PINX1: variants seen among roughly 807,000 people sequenced by gnomAD.
PINX1 encodes the protein PIN2 (TERF1) interacting telomerase inhibitor 1.
In PINX1, 34 loss-of-function variants were observed where a neutral mutation model predicts 25.4. The ratio of observed to expected loss-of-function variants is 1.34; its 90% CI spans 1.02 to 1.78. PINX1 has a LOEUF of 1.78. Among genes scored for constraint, PINX1 ranks in the 40% most tolerant of loss-of-function variants. The pLI is 0.00. For synonymous variants in PINX1, 197 were observed against 147.7 expected (o/e 1.33, Z -2.42); for missense variants, 592 against 404.9 (o/e 1.46, Z -3.97).
At chr8:10,829,367 T>G (rs1283077892) in intron 4 of PINX1, among the ~76,000 whole-genome samples, 1 of 152,122 alleles carries the variant, frequency 6.6e-6, no homozygotes, top group Non-Finnish European at 1.5e-5. Flanking sequence ...GTAAATTTTC[T>G]GGCCTTAATC....
At chr8:10,773,467 C>G (rs1801293372) in intron 6 of PINX1, among the ~76,000 whole-genome samples, 1 of 152,164 alleles carries the variant, frequency 6.6e-6, no homozygotes, top group Admixed American at 6.5e-5. Context: ...TGCAGAGATA[C>G]CTTTCTAATA....
intron 6 of PINX1, among the ~76,000 whole-genome samples, chr8:10,797,471 G>C (rs923021499): frequency 6.6e-6 from 1 of 152,112 alleles, no homozygotes; most frequent in Non-Finnish European, 1.5e-5. Flanking sequence ...CATGGTTATA[G>C]GAGACAATAT....
At chr8:10,808,962 T>C (rs967267881) in intron 6 of PINX1, among the ~76,000 whole-genome samples, 3 of 152,254 alleles carry the variant, frequency 2.0e-5, no homozygotes, top group Non-Finnish European at 4.4e-5. Flanking sequence ...TTCCTTGATA[T>C]ATGAATTTGT....
chr8:10,785,964 C>T (rs961217651), intron 6 of PINX1, among the ~76,000 whole-genome samples: 2 of 152,132 alleles, frequency 1.3e-5, no homozygotes, highest in Non-Finnish European at 2.9e-5. Flanking sequence ...TTCTGGACTG[C>T]GTATATCACT....
chr8:10,825,190 A>G (rs148767205), intron 5 of PINX1, among the ~76,000 whole-genome samples: 86 of 152,344 alleles, frequency 5.6e-4, no homozygotes, highest in African/African-American at 2.1e-3. Context: ...AATACTTCAG[A>G]GTAGTGGGGA....
chr8:10,835,253 C>T (rs1041975147), intron 1 of PINX1, among the ~76,000 whole-genome samples: 2 of 152,216 alleles, frequency 1.3e-5, no homozygotes, highest in South Asian at 4.1e-4. Flanking sequence ...GCTCCAAACG[C>T]TGTACATAAT....
chr8:10,766,036 G>A (rs1481537047), intron 6 of PINX1, 120 bp from the exon 7 acceptor site: 8 of 900,630 alleles, frequency 8.9e-6, no homozygotes, highest in Non-Finnish European at 1.4e-5. Flanking sequence ...CTCACACCCG[G>A]CACCCACACC....
chr8:10,836,442 T>C (rs1003080458), intron 1 of PINX1, among the ~76,000 whole-genome samples: 1 of 152,110 alleles, frequency 6.6e-6, no homozygotes, highest in Admixed American at 6.5e-5. Context: ...TGTGTCAGAG[T>C]TCATGTGTCT....
intron 6 of PINX1, among the ~76,000 whole-genome samples, chr8:10,786,629 G>A (rs1005496184): frequency 6.6e-6 from 1 of 152,190 alleles, no homozygotes; most frequent in African/African-American, 2.4e-5. Context: ...GGGGCACAAA[G>A]ACTCTGCCCC....
chr8:10,818,653 G>A (rs1280195678), intron 6 of PINX1, among the ~76,000 whole-genome samples: 1 of 152,164 alleles, frequency 6.6e-6, no homozygotes, highest in Non-Finnish European at 1.5e-5. Flanking sequence ...CGCCAGTACA[G>A]AAGGCACGTG....
chr8:10,806,314 G>A (rs1169419278), intron 6 of PINX1, among the ~76,000 whole-genome samples: 18 of 152,210 alleles, frequency 1.2e-4, no homozygotes, highest in Admixed American at 6.5e-5. Context: ...GCTCATGGAC[G>A]CACGTGTGGG....
chr8:10,773,941 G>C (rs563042239), intron 6 of PINX1, among the ~76,000 whole-genome samples: 16 of 152,358 alleles, frequency 1.1e-4, no homozygotes, highest in African/African-American at 3.8e-4. Context: ...TCCAGAGCTG[G>C]AGATGATCAA....
chr8:10,820,018 A>G (rs547785164), intron 6 of PINX1, among the ~76,000 whole-genome samples, 175 bp downstream of exon 6: 7 of 152,298 alleles, frequency 4.6e-5, no homozygotes, highest in South Asian at 4.1e-4. Context: ...CTTATAAAAC[A>G]TTATCTACCC....
chr8:10,816,061 G>A (rs1417630480), intron 6 of PINX1, among the ~76,000 whole-genome samples: 1 of 152,192 alleles, frequency 6.6e-6, no homozygotes. Context: ...AGGGTCACGG[G>A]CGGTGTTGGA....
chr8:10,831,618 A>T (rs1275108468), intron 4 of PINX1, 47 bp downstream of exon 4: 1 of 1,169,940 alleles, frequency 8.5e-7, no homozygotes, highest in African/African-American at 1.5e-5. Context: ...AACAAAAAGT[A>T]GATAAACATA....
chr8:10,826,129 A>C (rs1437425677), intron 5 of PINX1, 23 bp downstream of exon 5: 1 of 1,315,194 alleles, frequency 7.6e-7, no homozygotes, highest in Non-Finnish European at 1.1e-6. Flanking sequence ...TTCAATAACA[A>C]GTAAAGAAAT....
intron 4 of PINX1, among the ~76,000 whole-genome samples, chr8:10,826,625 G>A (rs1254332611): frequency 6.6e-6 from 1 of 152,194 alleles, no homozygotes; most frequent in Non-Finnish European, 1.5e-5. Flanking sequence ...TGCATGAACA[G>A]CTGAGCAACC....
At chr8:10,777,644 T>A (rs1801434994) in intron 6 of PINX1, among the ~76,000 whole-genome samples, 1 of 152,294 alleles carries the variant, frequency 6.6e-6, no homozygotes, top group African/African-American at 2.4e-5. Context: ...TATCTTAAAA[T>A]GGTTTGGTCC....
intron 6 of PINX1, 50 bp from the exon 7 acceptor site, chr8:10,765,966 C>A (rs958787879): frequency 1.3e-6 from 2 of 1,570,602 alleles, no homozygotes; most frequent in East Asian, 4.5e-5. Flanking sequence ...ACTGTTCATC[C>A]CTCACCGCAC....
Sources: gnomAD v4.1 joint callset for allele counts (sites outside exome capture counted in the v4.1 genomes callset) on GRCh38, gnomAD v4.1.1 for gene constraint, MANE v1.5 for transcripts, NCBI Gene and HGNC (gene_info 2026-07-23, HGNC 2026-07-21) for gene names.